Variants in ARHGEF11 observed in about 807,000 individuals in gnomAD.
ARHGEF11 encodes Rho guanine nucleotide exchange factor 11.
ARHGEF11 carries 55 observed loss-of-function variants against 193.7 expected under a neutral mutation model. The observed-to-expected ratio is 0.28, with a 90% CI of 0.23 to 0.36. The LOEUF (loss-of-function observed/expected upper bound fraction) is 0.36. Ranked by LOEUF, ARHGEF11 falls within the 10% of genes least tolerant of loss-of-function variation. The probability of loss-of-function intolerance (pLI) is 1.00; values close to 1 mark genes in which losing one functional copy is unlikely to be tolerated. For synonymous variants in ARHGEF11, 693 were observed against 768.0 expected, an observed-to-expected ratio of 0.90 and a Z score of 1.62; for missense variants, 1,723 against 2,005.6, an observed-to-expected ratio of 0.86 and a Z score of 2.69.
intron 26 of ARHGEF11, 105 bp downstream of exon 26, chr1:156,947,199 T>G: frequency 6.6e-7 from 1 of 1,505,804 alleles, no homozygotes; most frequent in Non-Finnish European, 9.0e-7. Flanking sequence ...CACCAGGGAT[T>G]GGTGGGAGGT....
At chr1:156,978,040 T>G (rs930235861) in intron 6 of ARHGEF11, among the ~76,000 whole-genome samples, 164 bp downstream of exon 6, 1 of 152,256 alleles carries the variant, frequency 6.6e-6, no homozygotes, top group Non-Finnish European at 1.5e-5. Context: ...CAACTGTTAT[T>G]GTGCAGCCTT....
At chr1:156,967,937 A>G (rs774878630) in intron 11 of ARHGEF11, 50 bp downstream of exon 11, 104 of 1,612,064 alleles carry the variant, frequency 6.5e-5, no homozygotes, top group Non-Finnish European at 8.6e-5. Context: ...ATGCCTCCAA[A>G]TCTCACTTCT....
intron 35 of ARHGEF11, among the ~76,000 whole-genome samples, chr1:156,940,828 G>A (rs574656492): frequency 1.3e-5 from 2 of 152,224 alleles, no homozygotes; most frequent in African/African-American, 2.4e-5. Flanking sequence ...GTGGCGTTAG[G>A]AGGAAAAGCA....
intron 1 of ARHGEF11, among the ~76,000 whole-genome samples, chr1:157,029,167 C>CAAA (rs778433244): frequency 4.0e-5 from 2 of 50,496 alleles, no homozygotes; most frequent in African/African-American, 6.9e-5. Context: ...GACCCTGTCT[C>CAAA]AAAAAAAAAA....
intron 38 of ARHGEF11, 108 bp downstream of exon 38, chr1:156,938,309 AG>A: frequency 1.0e-6 from 1 of 976,430 alleles, no homozygotes; most frequent in Non-Finnish European, 1.5e-6. Context: ...CAGGCAGCTG[AG>A]GGAGCTTGTG....
chr1:157,029,496 T>G (rs1320626247), intron 1 of ARHGEF11, among the ~76,000 whole-genome samples: 1 of 152,112 alleles, frequency 6.6e-6, no homozygotes, highest in Non-Finnish European at 1.5e-5. Flanking sequence ...GGTCTTGAAC[T>G]CCTGACCTCA....
At chr1:157,004,939 G>A (rs1354056170) in intron 1 of ARHGEF11, among the ~76,000 whole-genome samples, 1 of 152,216 alleles carries the variant, frequency 6.6e-6, no homozygotes, top group African/African-American at 2.4e-5. Context: ...ACATCCAGAA[G>A]GCCAAAGGAA....
chr1:156,954,103 G>C (rs1166069168), intron 21 of ARHGEF11, among the ~76,000 whole-genome samples: 3 of 151,346 alleles, frequency 2.0e-5, no homozygotes, highest in Non-Finnish European at 4.4e-5. Context: ...GCACTGACCG[G>C]GCGCAGTGGC....
rs1553192805 is a variant in ARHGEF11, at chr1:156,936,497, A to ACATAT, written c.4630+318_4630+319insATATG. 5.0e-4 allele frequency among the ~76,000 whole-genome samples: 17 copies of ACATAT among 33,940 alleles called. 1 individual carries two copies. In the South Asian group the frequency reaches 0.028, roughly 56 times the overall value. 22.3% of individuals were successfully genotyped at this position (33,940 alleles called of 152,430 possible). A position where few individuals can be genotyped will look rare whatever the true frequency, so the allele number is the denominator to read the frequency against. On this transcript the variant is annotated intron_variant, in intron 40 of 40. Coordinates refer to ENST00000368194, the MANE Select transcript of ARHGEF11 (RefSeq NM_198236.3). The stretch of plus-strand genomic sequence containing the variant: ...AATAAATAGAAAAAAAAAAAAAAAA[A>ACATAT]ATATATATATATATATATATATATA...
intron 37 of ARHGEF11, chr1:156,938,911 G>A (rs1656142717): frequency 9.7e-6 from 2 of 205,774 alleles, no homozygotes; most frequent in Non-Finnish European, 9.6e-6. Flanking sequence ...TTCCCGGGGT[G>A]GGGACCTTCC....
At chr1:157,027,977 G>A (rs1265016171) in intron 1 of ARHGEF11, among the ~76,000 whole-genome samples, 1 of 152,194 alleles carries the variant, frequency 6.6e-6, no homozygotes, top group African/African-American at 2.4e-5. Context: ...AGCCCCAGCT[G>A]TTTGAGCCCT....
At position 156,977,048 on chromosome 1, in the gene ARHGEF11, C is replaced by T. The variant is rs755958507; in HGVS notation, c.517G>A (p.Glu173Lys). 1.1e-5 allele frequency: 18 copies of T among 1,613,748 alleles called. No individual in the cohort carries two copies. The highest frequency in any genetic ancestry group is 6.7e-5 in the East Asian group (3 of 44,868). ...ATCTGGGTGGCATGTTTTTGAACTT[C>T]GGGATCCTAGACATGGAAAATATGG... ...ITGPKPLQDP[E>K]VQKHATQILR... The change falls in exon 7 of 41, where the codon GAA becomes AAA. Residue 173 changes from glutamate (E) to lysine (K), a missense_variant. Physicochemically the swap from Glu to Lys is moderately conservative, Grantham distance 56 (BLOSUM62 1). Around this residue, in one of 5 missense-constraint regions of ARHGEF11, gnomAD observed 646 missense variants for 710.7 expected, o/e 0.91. Transcript: ENST00000368194.
chr1:156,991,038 G>A (rs538476041), intron 1 of ARHGEF11, among the ~76,000 whole-genome samples: 93 of 152,234 alleles, frequency 6.1e-4, no homozygotes, highest in African/African-American at 2.2e-3. Context: ...TCTCCAATTT[G>A]AACTCAACAC....
intron 21 of ARHGEF11, among the ~76,000 whole-genome samples, chr1:156,953,982 G>A (rs1280929842): frequency 6.6e-6 from 1 of 152,056 alleles, no homozygotes; most frequent in African/African-American, 2.4e-5. Context: ...TAGATGATAA[G>A]AACAAAAATA....
Position 156,936,986 on chromosome 1 carries a change from C to T in ARHGEF11, c.4460G>A (p.Arg1487Lys), listed in dbSNP as rs1334141317. 1.2e-6 allele frequency: 2 copies of T among 1,614,008 alleles called. No individual in the cohort carries two copies. Among genetic ancestry groups the T allele is most frequent in the Admixed American group, 3.3e-5 (2 of 60,022 alleles). The change falls in exon 40 of 41, where the codon AGA (arginine) becomes AAA (lysine). Residue 1487 changes from arginine (R) to lysine (K), a missense_variant. By Grantham distance (26) the Arg-to-Lys change is conservative. Around this residue, in one of 5 missense-constraint regions of ARHGEF11, gnomAD observed 360 missense variants for 344.4 expected, o/e 1.05. Transcript: ENST00000368194. ...TCCCCCAAGGGACTTGAGCAGCTCT[C>T]TGTGGGCCAGCTCCATATCCTGGAA... is the stretch of plus-strand genomic sequence containing the variant. Reference protein sequence around the residue: ...NRLKDMELAHRELLKSLGGES... With the variant: ...NRLKDMELAHKELLKSLGGES...
chr1:157,007,981 G>C (rs1415671441), intron 1 of ARHGEF11, among the ~76,000 whole-genome samples: 2 of 138,770 alleles, frequency 1.4e-5, no homozygotes, highest in East Asian at 4.3e-4. Flanking sequence ...TCAGTTCCTG[G>C]AACACCGTAG....
intron 14 of ARHGEF11, 143 bp from the exon 15 acceptor site, chr1:156,960,603 C>T: frequency 1.4e-6 from 1 of 690,508 alleles, no homozygotes; most frequent in Non-Finnish European, 2.5e-6. Flanking sequence ...CATCACTCTC[C>T]AACTGCACAC....
At chr1:156,961,402 C>G (rs1207369408) in intron 14 of ARHGEF11, among the ~76,000 whole-genome samples, 2 of 152,170 alleles carry the variant, frequency 1.3e-5, no homozygotes, top group Non-Finnish European at 2.9e-5. Flanking sequence ...AACCAGGGCA[C>G]TGAATGAGGG....
At chr1:156,951,207 A>G (rs1659044607) in intron 22 of ARHGEF11, among the ~76,000 whole-genome samples, 1 of 151,574 alleles carries the variant, frequency 6.6e-6, no homozygotes, top group East Asian at 1.9e-4. Flanking sequence ...TTTCCCCAGG[A>G]CTCCCTCTTG....
Sources: gnomAD v4.1 joint callset for allele counts (sites outside exome capture counted in the v4.1 genomes callset) on GRCh38, gnomAD v4.1.1 for gene constraint, gnomAD v4.1.1 regional missense constraint, MANE v1.5 for transcripts, NCBI Gene and HGNC (gene_info 2026-07-23, HGNC 2026-07-21) for gene names.